Variants in SOX5 observed in about 807,000 individuals in gnomAD.
The protein encoded by SOX5 is transcription factor SOX-5.
Under a neutral mutation model 92.0 loss-of-function variants are expected in SOX5, and 9 were observed. The observed-to-expected ratio is 0.10, with a 90% confidence interval of 0.06 to 0.17. SOX5 has a LOEUF of 0.17. SOX5 is among the 10% of genes least tolerant of loss of function. SOX5 has a pLI of 1.00. For synonymous variants in SOX5, 344 were observed against 336.3 expected (o/e 1.02, Z -0.25); for missense variants, 642 against 944.5 (o/e 0.68, Z 4.20).
intron 3 of SOX5, among the ~76,000 whole-genome samples, chr12:24,257,758 T>C (rs1475516328): frequency 6.6e-6 from 1 of 151,916 alleles, no homozygotes; most frequent in African/African-American, 2.4e-5. Flanking sequence ...TGAGCCACCG[T>C]ACCCGACCAA....
intron 4 of SOX5, among the ~76,000 whole-genome samples, chr12:24,115,265 G>A (rs186505987): frequency 3.9e-5 from 6 of 152,286 alleles, no homozygotes; most frequent in East Asian, 3.9e-4. Context: ...ACAAAATACC[G>A]ATTAGAGAAA....
intron 3 of SOX5, among the ~76,000 whole-genome samples, chr12:24,249,243 A>T (rs564515314): frequency 6.6e-6 from 1 of 152,322 alleles, no homozygotes; most frequent in South Asian, 2.1e-4. Context: ...TTGCCCTCCT[A>T]ACCTAACTCC....
intron 1 of SOX5, among the ~76,000 whole-genome samples, chr12:24,439,750 T>C (rs1940153849): frequency 6.6e-6 from 1 of 151,608 alleles, no homozygotes; most frequent in African/African-American, 2.4e-5. Flanking sequence ...AAAAAATTGG[T>C]CGGGCATGGT....
intron 4 of SOX5, among the ~76,000 whole-genome samples, chr12:24,198,507 G>T (rs1294469813): frequency 6.6e-6 from 1 of 152,146 alleles, no homozygotes; most frequent in Non-Finnish European, 1.5e-5. Context: ...CTCACTGTAA[G>T]CCCAGGAGGG....
chr12:23,966,507 T>G lies in SOX5; in HGVS notation c.-1-70483A>C, dbSNP rs558522307. Among the ~76,000 whole-genome samples, 28 of 152,254 alleles carry G rather than the reference T, an allele frequency of 1.8e-4. No individual in the cohort carries two copies. The South Asian group carries it at 2.3e-3, about 12-fold the overall frequency. ...TTGAACTGCCCAGTACAGGTAAATT[T>G]TATTAATTTAATTAGCAAATAGGCC... On this transcript the variant is annotated intron_variant, in intron 4 of 4. Coordinates refer to the SOX5 transcript ENST00000446891.
chr12:24,087,107 G>A (rs1180777479), intron 4 of SOX5, among the ~76,000 whole-genome samples: 1 of 151,948 alleles, frequency 6.6e-6, no homozygotes, highest in Non-Finnish European at 1.5e-5. Flanking sequence ...GTTGGACACT[G>A]CCCAGACAGT....
At chr12:24,543,003 G>C (rs1243914637) in intron 1 of SOX5, among the ~76,000 whole-genome samples, 3 of 152,212 alleles carry the variant, frequency 2.0e-5, no homozygotes, top group Non-Finnish European at 2.9e-5. Flanking sequence ...TTGGCAAATT[G>C]ATAAACACTG....
At chr12:24,297,191 C>T (rs537124987) in intron 2 of SOX5, among the ~76,000 whole-genome samples, 9 of 152,242 alleles carry the variant, frequency 5.9e-5, no homozygotes, top group South Asian at 2.1e-4. Flanking sequence ...ACCTGTAATT[C>T]GGTGAAAATT....
At chr12:23,752,482 A>T (rs1357992971) in intron 4 of SOX5, among the ~76,000 whole-genome samples, 5 of 151,904 alleles carry the variant, frequency 3.3e-5, no homozygotes, top group Non-Finnish European at 5.9e-5. Context: ...AAAACAAATG[A>T]TCTGCTTAGA....
chr12:23,887,863 T>C (rs1252394407), intron 2 of SOX5, among the ~76,000 whole-genome samples: 1 of 151,902 alleles, frequency 6.6e-6, no homozygotes, highest in Non-Finnish European at 1.5e-5. Context: ...AACAAAACTA[T>C]ATTCCAGTAC....
At chr12:24,225,124 C>T (rs943202495) in intron 3 of SOX5, among the ~76,000 whole-genome samples, 1 of 152,184 alleles carries the variant, frequency 6.6e-6, no homozygotes, top group Non-Finnish European at 1.5e-5. Flanking sequence ...CTACCCAGAT[C>T]AAAAGTATAA....
chr12:24,469,797 C>G (rs1031606315), intron 1 of SOX5, among the ~76,000 whole-genome samples: 1 of 152,082 alleles, frequency 6.6e-6, no homozygotes, highest in Non-Finnish European at 1.5e-5. Context: ...TACCAAAAAC[C>G]CTTTCCTCCA....
At chr12:24,118,718 T>G (rs1358231827) in intron 4 of SOX5, among the ~76,000 whole-genome samples, 1 of 152,176 alleles carries the variant, frequency 6.6e-6, no homozygotes, top group Non-Finnish European at 1.5e-5. Context: ...AGAATTTAAT[T>G]GACCTACATT....
In SOX5 at chr12:24,275,073, G is replaced by A. The variant is rs117720888; in HGVS notation, c.-77+2143C>T. Among the ~76,000 whole-genome samples the A allele has an allele frequency of 4.4e-3, 663 of 152,152 alleles. 2 individuals are homozygous for A. Among genetic ancestry groups the A allele is most frequent in the Non-Finnish European group, 7.4e-3 (504 of 68,006 alleles). On this transcript the variant is annotated intron_variant, in intron 3 of 4. Transcript: ENST00000446891. ...AAAAGTAACCAAAAGGATGGGTGCT[G>A]GGCTGTTTCAACTCTCCTTGAACAG...
intron 7 of SOX5, among the ~76,000 whole-genome samples, chr12:23,652,322 T>C (rs2081683082): frequency 6.6e-6 from 1 of 152,102 alleles, no homozygotes; most frequent in Admixed American, 6.6e-5. Context: ...TATCTGTTTC[T>C]GCAATAGGCT....
chr12:23,615,319 T>C (rs2076425227), intron 8 of SOX5, among the ~76,000 whole-genome samples: 1 of 152,304 alleles, frequency 6.6e-6, no homozygotes, highest in South Asian at 2.1e-4. Context: ...GTTGTAAGAA[T>C]TACTTATATA....
intron 6 of SOX5, among the ~76,000 whole-genome samples, chr12:23,719,295 C>T (rs900267640): frequency 1.3e-5 from 2 of 152,148 alleles, no homozygotes; most frequent in African/African-American, 2.4e-5. Flanking sequence ...CATGTATTAA[C>T]ATTTTATCTT....
intron 4 of SOX5, among the ~76,000 whole-genome samples, chr12:23,973,754 G>A (rs573355499): frequency 3.9e-5 from 6 of 152,278 alleles, no homozygotes; most frequent in South Asian, 4.1e-4. Flanking sequence ...AGCGGCAAAC[G>A]AGTGAGCATT....
intron 4 of SOX5, among the ~76,000 whole-genome samples, chr12:24,171,794 T>G (rs1954207844): frequency 6.6e-6 from 1 of 151,794 alleles, no homozygotes; most frequent in Non-Finnish European, 1.5e-5. Flanking sequence ...GCCCAGGAGT[T>G]CGAGGGCAGC....
Sources: allele counts gnomAD v4.1 joint callset (sites outside exome capture counted in the v4.1 genomes callset), GRCh38; gene constraint gnomAD v4.1.1; transcripts MANE v1.5; gene names NCBI Gene and HGNC (gene_info 2026-07-23, HGNC 2026-07-21).